The following TRMT9B variants were observed in gnomAD, a reference collection of about 807,000 sequenced individuals.
TRMT9B encodes tRNA methyltransferase 9B (putative), also known as probable tRNA methyltransferase 9B.
Under a neutral mutation model 11.5 loss-of-function variants are expected in TRMT9B, and 16 were observed. The observed-to-expected ratio is 1.39, with a 90% CI of 0.94 to 2.11. The LOEUF is 2.11. Ranked by LOEUF, TRMT9B falls within the 30% of genes most tolerant of loss-of-function variation. The probability of loss-of-function intolerance (pLI) is 0.00; values close to 1 mark genes in which losing one functional copy is unlikely to be tolerated. For synonymous variants in TRMT9B, 274 were observed against 192.4 expected, an observed-to-expected ratio of 1.42 and a Z score of -3.51; for missense variants, 941 against 553.8, an observed-to-expected ratio of 1.70 and a Z score of -7.02.
intron 4 of TRMT9B, among the ~76,000 whole-genome samples, chr8:13,013,725 G>A (rs1309392949): frequency 1.3e-5 from 2 of 152,102 alleles, no homozygotes; most frequent in Non-Finnish European, 2.9e-5. Flanking sequence ...GGCCGAAGTG[G>A]GTGTATCAGG....
At chr8:12,970,123 A>G (rs150495411) in intron 1 of TRMT9B, 26 of 152,292 alleles carry the variant, frequency 1.7e-4, no homozygotes, top group African/African-American at 6.0e-4. Flanking sequence ...CCTGGTGATA[A>G]CACCAATACC....
intron 1 of TRMT9B, among the ~76,000 whole-genome samples, chr8:12,976,385 A>G (rs1164142475): frequency 3.3e-5 from 5 of 149,562 alleles, no homozygotes; most frequent in Non-Finnish European, 5.9e-5. Flanking sequence ...TTTTTTCACT[A>G]TAAAGTGAAT....
intron 2 of TRMT9B, 67 bp from the exon 3 acceptor site, chr8:13,006,135 T>C: frequency 6.7e-7 from 1 of 1,483,658 alleles, no homozygotes; most frequent in African/African-American, 1.4e-5. Flanking sequence ...GAAATCTGCA[T>C]CCTCCTTCAG....
chr8:13,001,685 C>T (rs970294609), intron 2 of TRMT9B, among the ~76,000 whole-genome samples: 8 of 152,084 alleles, frequency 5.3e-5, no homozygotes, highest in African/African-American at 1.2e-4. Flanking sequence ...GAGAAAAAAG[C>T]GAGATTTTTG....
intron 2 of TRMT9B, among the ~76,000 whole-genome samples, chr8:13,001,780 C>G (rs1014303290): frequency 3.3e-5 from 5 of 152,160 alleles, no homozygotes; most frequent in African/African-American, 4.8e-5. Flanking sequence ...AGGAGGGACA[C>G]AATGTGAGGC....
At position 13,024,596 on chromosome 8, in the gene TRMT9B, G is replaced by A. The variant is rs1585454569; in HGVS notation, c.*2552G>A. 6.0e-6 allele frequency: 1 copy of A among 167,122 alleles called. No individual in the cohort carries two copies. 10.4% of individuals were successfully genotyped at this position (167,122 alleles called of 1,614,324 possible). ...ACCAGTTAAAAGTCAAGACTTGGTG[G>A]AACTCAGTTTACCAGACTCTTTAGC... On this transcript the variant is annotated 3_prime_UTR_variant, in exon 5 of 5. Transcript: ENST00000524591.
intron 1 of TRMT9B, among the ~76,000 whole-genome samples, chr8:12,949,090 C>T (rs1800412637): frequency 6.6e-6 from 1 of 152,154 alleles, no homozygotes; most frequent in Non-Finnish European, 1.5e-5. Context: ...TACATAGACT[C>T]TACTTATTAA....
chr8:12,977,982 C>G (rs1372397683), intron 1 of TRMT9B, among the ~76,000 whole-genome samples: 1 of 152,128 alleles, frequency 6.6e-6, no homozygotes, highest in Non-Finnish European at 1.5e-5. Context: ...TGAGCTGCGA[C>G]TGTACCACTG....
intron 2 of TRMT9B, among the ~76,000 whole-genome samples, chr8:12,996,373 G>A (rs1454317832): frequency 1.3e-5 from 2 of 152,104 alleles, no homozygotes; most frequent in Non-Finnish European, 2.9e-5. Flanking sequence ...TCTATTCTTG[G>A]CTGGTTACTG....
At chr8:12,960,554 C>T (rs1801962524) in intron 1 of TRMT9B, 1 of 152,146 alleles carries the variant, frequency 6.6e-6, no homozygotes, top group Admixed American at 6.5e-5. Flanking sequence ...CTGGAAGCAA[C>T]CAAGATGTCC....
chr8:12,975,541 A>T (rs758113685), intron 1 of TRMT9B, among the ~76,000 whole-genome samples: 1 of 152,126 alleles, frequency 6.6e-6, no homozygotes, highest in Non-Finnish European at 1.5e-5. Context: ...GTTCGAGACC[A>T]GCCTGGCCAA....
Position 12,955,025 on chromosome 8 carries a change from G to A in TRMT9B, c.-200+9059G>A, listed in dbSNP as rs552395723. On this transcript the variant is annotated intron_variant, in intron 1 of 4. Transcript: ENST00000524591. ...GCACATTGTGAGCAGTCATAAAGAG[G>A]GGTTTATAATAAGAAGTAGGAGTGT... Among the ~76,000 whole-genome samples, 13 of 152,252 alleles carry A rather than the reference G, an allele frequency of 8.5e-5. No individual in the cohort carries two copies. The South Asian group carries it at 2.7e-3, about 32-fold the overall frequency.
Position 13,021,375 on chromosome 8 carries a change from A to G in TRMT9B, c.696A>G (p.Glu232=), listed in dbSNP as rs1416173827. Residue 232 remains glutamate (E), a synonymous_variant, in exon 5 of 5, where the codon GAA becomes GAG. Transcript: ENST00000524591. The part of the protein sequence containing the change: ...ARTCFANISK[E]GEEEYGFYST... ...CCTGTTTTGCAAATATTTCTAAGGA[A>G]GGCGAGGAAGAATATGGATTTTACA... The G allele has an allele frequency of 6.8e-6, 11 of 1,614,064 alleles. No homozygotes were observed. The East Asian group carries it at 2.2e-4, about 33-fold the overall frequency.
chr8:13,021,120 G>C lies in TRMT9B; in HGVS notation c.441G>C (p.Lys147Asn). The C allele has an allele frequency of 1.9e-6, 3 of 1,612,986 alleles. No homozygotes were observed. Among genetic ancestry groups the C allele is most frequent in the Non-Finnish European group, 2.5e-6 (3 of 1,179,270 alleles). The part of the protein sequence containing the change: ...LMIYVWAMEQ[K>N]NRHFEKQDVL... ...TTTACGTTTGGGCAATGGAACAAAA[G>C]AACCGTCACTTTGAGAAGCAAGACG... The change falls in exon 5 of 5, where the codon AAG (lysine) becomes AAC (asparagine). Residue 147 changes from lysine to asparagine, a missense_variant. By Grantham distance (94) the Lys-to-Asn change is moderately conservative. Coordinates refer to ENST00000524591, the MANE Select transcript of TRMT9B (RefSeq NM_020844.3).
At chr8:12,969,677 T>G (rs1420127901) in intron 1 of TRMT9B, among the ~76,000 whole-genome samples, 1 of 151,858 alleles carries the variant, frequency 6.6e-6, no homozygotes, top group Non-Finnish European at 1.5e-5. Flanking sequence ...CTTTCTTCTT[T>G]TTTTAGAGAG....
intron 1 of TRMT9B, among the ~76,000 whole-genome samples, chr8:12,964,815 C>T (rs1563322482): frequency 6.6e-6 from 1 of 152,156 alleles, no homozygotes; most frequent in Admixed American, 6.6e-5. Flanking sequence ...TGGTCTCAAA[C>T]TCCTGGCCTC....
chr8:13,017,362 G>C (rs1399275105), intron 4 of TRMT9B, among the ~76,000 whole-genome samples: 2 of 152,130 alleles, frequency 1.3e-5, no homozygotes, highest in African/African-American at 4.8e-5. Context: ...CCTACCTACT[G>C]TCTGGGCTCT....
chr8:12,994,831 A>G (rs769572535), intron 2 of TRMT9B, among the ~76,000 whole-genome samples: 1 of 152,056 alleles, frequency 6.6e-6, no homozygotes, highest in Non-Finnish European at 1.5e-5. Flanking sequence ...ATAGGCATGC[A>G]CCACCATGCC....
chr8:13,012,107 G>T (rs530401669), intron 3 of TRMT9B: 1 of 985,320 alleles, frequency 1.0e-6, no homozygotes, highest in Non-Finnish European at 1.2e-6. Context: ...CCTTGGTTGC[G>T]CCAGTGTACT....
Sources: gnomAD v4.1 joint callset for allele counts (sites outside exome capture counted in the v4.1 genomes callset) on GRCh38, gnomAD v4.1.1 for gene constraint, MANE v1.5 for transcripts, NCBI Gene and HGNC (gene_info 2026-07-23, HGNC 2026-07-21) for gene names.